The following OPCML variants were observed in gnomAD, a reference collection of about 807,000 sequenced individuals.
OPCML encodes the protein opioid binding protein/cell adhesion molecule like.
In OPCML, 13 loss-of-function variants were observed where a neutral mutation model predicts 37.8. That is an observed-to-expected ratio of 0.34 (90% CI 0.22 to 0.55). The LOEUF (loss-of-function observed/expected upper bound fraction) is 0.55, where lower values mean the gene tolerates loss of function less well. OPCML is among the 20% of genes least tolerant of loss of function. The probability of loss-of-function intolerance (pLI) is 0.91; values close to 1 mark genes in which losing one functional copy is unlikely to be tolerated. For missense variants in OPCML, 341 were observed against 435.6 expected, an observed-to-expected ratio of 0.78 and a Z score of 1.93; for synonymous variants, 176 against 168.8, an observed-to-expected ratio of 1.04 and a Z score of -0.33.
intron 1 of OPCML, among the ~76,000 whole-genome samples, chr11:133,377,624 A>AAAAAAAAAAAAAAAAAAAAAAAAAAAC (rs1944840378): frequency 6.6e-6 from 1 of 150,762 alleles, no homozygotes; most frequent in African/African-American, 2.5e-5. Context: ...AAAAAAAAAA[A>AAAAAAAAAAAAAAAAAAAAAAAAAAAC]AAAGAGCACC....
intron 2 of OPCML, among the ~76,000 whole-genome samples, chr11:132,828,026 G>A (rs1940463483): frequency 6.6e-6 from 1 of 152,146 alleles, no homozygotes; most frequent in South Asian, 2.1e-4. Context: ...TAAATACATT[G>A]TGGTACATCC....
chr11:132,802,371 T>C (rs771753313), intron 2 of OPCML, among the ~76,000 whole-genome samples: 5 of 152,214 alleles, frequency 3.3e-5, no homozygotes, highest in Non-Finnish European at 7.3e-5. Flanking sequence ...ACTTGGTTAC[T>C]CGGCCCTTGC....
At chr11:132,974,947 T>G (rs553110852) in intron 1 of OPCML, among the ~76,000 whole-genome samples, 1 of 151,832 alleles carries the variant, frequency 6.6e-6, no homozygotes, top group African/African-American at 2.4e-5. Context: ...TTCTCCAGAG[T>G]CTATAGCTTC....
At chr11:132,731,443 G>A (rs918486717) in intron 2 of OPCML, among the ~76,000 whole-genome samples, 2 of 152,320 alleles carry the variant, frequency 1.3e-5, no homozygotes, top group South Asian at 4.1e-4. Flanking sequence ...ACAAAGAAAT[G>A]TGCCACAGTG....
At chr11:132,818,948 T>A (rs1939806867) in intron 2 of OPCML, among the ~76,000 whole-genome samples, 1 of 145,028 alleles carries the variant, frequency 6.9e-6, no homozygotes. Context: ...AATAAATAAA[T>A]AAATACCCTC....
intron 1 of OPCML, among the ~76,000 whole-genome samples, chr11:133,354,304 A>AT (rs1944226397): frequency 1.5e-3 from 15 of 9,850 alleles, no homozygotes; most frequent in Non-Finnish European, 2.6e-3. Context: ...GGTGGTGGTG[A>AT]CGTGTTGGTA....
chr11:132,928,512 C>T (rs897650862), intron 2 of OPCML, among the ~76,000 whole-genome samples: 3 of 151,924 alleles, frequency 2.0e-5, no homozygotes, highest in African/African-American at 7.2e-5. Context: ...AATTGCTCTA[C>T]AAGACCAGTA....
At chr11:133,377,349 T>C (rs1944828000) in intron 1 of OPCML, among the ~76,000 whole-genome samples, 1 of 152,170 alleles carries the variant, frequency 6.6e-6, no homozygotes, top group Non-Finnish European at 1.5e-5. Flanking sequence ...TTTGCCCTGC[T>C]GTTCTGAGGC....
At chr11:133,528,177 T>G (rs145447178) in intron 1 of OPCML, among the ~76,000 whole-genome samples, 7 of 152,380 alleles carry the variant, frequency 4.6e-5, no homozygotes, top group African/African-American at 1.7e-4. Context: ...TGCTGCCCAG[T>G]TCCAGGCTAC....
intron 2 of OPCML, among the ~76,000 whole-genome samples, chr11:132,847,876 A>AC (rs1941623395): frequency 6.6e-6 from 1 of 152,200 alleles, no homozygotes; most frequent in Non-Finnish European, 1.5e-5. Flanking sequence ...CATAAGCACC[A>AC]GATGCTTCAA....
chr11:133,145,976 A>G (rs777945530), intron 1 of OPCML, among the ~76,000 whole-genome samples: 2 of 152,206 alleles, frequency 1.3e-5, no homozygotes, highest in Admixed American at 6.5e-5. Context: ...GTTCATAGAC[A>G]TTTCTAACAA....
chr11:132,794,890 TATC>T (rs1223848945), intron 2 of OPCML, among the ~76,000 whole-genome samples: 14 of 123,522 alleles, frequency 1.1e-4, no homozygotes, highest in African/African-American at 4.6e-4. Context: ...AACATGAAAA[TATC>T]ATGAGTAAAA....
intron 1 of OPCML, among the ~76,000 whole-genome samples, chr11:132,949,259 G>C (rs1052170387): frequency 6.6e-6 from 1 of 152,208 alleles, no homozygotes; most frequent in Non-Finnish European, 1.5e-5. Context: ...TTTCAAACTG[G>C]CTTAAGTAAG....
intron 3 of OPCML, among the ~76,000 whole-genome samples, chr11:132,601,050 A>G (rs1591608545): frequency 6.6e-6 from 1 of 152,142 alleles, no homozygotes; most frequent in Non-Finnish European, 1.5e-5. Context: ...GTATATACAA[A>G]TTAAATAATT....
chr11:132,749,648 A>G (rs960075361), intron 2 of OPCML, among the ~76,000 whole-genome samples: 10 of 152,142 alleles, frequency 6.6e-5, no homozygotes, highest in Non-Finnish European at 2.9e-5. Flanking sequence ...CTGAAGCTGG[A>G]TGAGGCCACC....
intron 2 of OPCML, among the ~76,000 whole-genome samples, chr11:132,747,214 C>A (rs1037305739): frequency 6.6e-6 from 1 of 152,142 alleles, no homozygotes; most frequent in African/African-American, 2.4e-5. Flanking sequence ...AGCTGGCATT[C>A]AGGAAAAATC....
chr11:132,739,346 C>T lies in OPCML; in HGVS notation c.147-82027G>A, dbSNP rs538915118. Among the ~76,000 whole-genome samples, 17 of 152,216 alleles carry T rather than the reference C, an allele frequency of 1.1e-4. No individual in the cohort carries two copies. The South Asian group carries it at 3.5e-3, about 32-fold the overall frequency. Reference sequence around the variant, plus strand: ...TGTAAATACATTTTTATGGGTTTGTCCTCTTTGTCTTTATTTTGTCCGTAT... The same window carrying T: ...TGTAAATACATTTTTATGGGTTTGTTCTCTTTGTCTTTATTTTGTCCGTAT... On this transcript the variant is annotated intron_variant, in intron 2 of 7. Transcript: ENST00000524381.
chr11:132,581,081 T>C (rs1184009246), intron 3 of OPCML, among the ~76,000 whole-genome samples: 5 of 152,130 alleles, frequency 3.3e-5, no homozygotes, highest in African/African-American at 1.2e-4. Context: ...GGAAGAGGTC[T>C]TTAATGTGAT....
intron 3 of OPCML, among the ~76,000 whole-genome samples, chr11:132,603,215 T>C (rs1488803364): frequency 6.6e-6 from 1 of 152,200 alleles, no homozygotes. Context: ...TTCACATGTC[T>C]GCCAGTGATC....
Sources: gnomAD v4.1 joint callset for allele counts (sites outside exome capture counted in the v4.1 genomes callset) on GRCh38, gnomAD v4.1.1 for gene constraint, MANE v1.5 for transcripts, NCBI Gene and HGNC (gene_info 2026-07-23, HGNC 2026-07-21) for gene names.